Variants in DPP6 observed in about 807,000 individuals in gnomAD.
The protein encoded by DPP6 is A-type potassium channel modulatory protein DPP6.
Under a neutral mutation model 122.6 loss-of-function variants are expected in DPP6, and 69 were observed. That is an observed-to-expected ratio of 0.56 (90% CI 0.46 to 0.69). The LOEUF (loss-of-function observed/expected upper bound fraction) is 0.69. Among genes scored for constraint, DPP6 ranks in the 30% least tolerant of loss-of-function variants. The pLI is 0.00. For synonymous variants in DPP6, 418 were observed against 433.1 expected, an observed-to-expected ratio of 0.97 and a Z score of 0.43; for missense variants, 928 against 1,116.9, an observed-to-expected ratio of 0.83 and a Z score of 2.41.
chr7:154,063,639 A>AGTCC (rs1802435611), intron 1 of DPP6, among the ~76,000 whole-genome samples: 1 of 128,788 alleles, frequency 7.8e-6, no homozygotes. Context: ...ACTGAGAGCC[A>AGTCC]CTCCCTCTTC....
At chr7:154,568,122 ACTCT>A (rs1382971798) in intron 5 of DPP6, among the ~76,000 whole-genome samples, 2 of 151,996 alleles carry the variant, frequency 1.3e-5, no homozygotes, top group Non-Finnish European at 2.9e-5. Context: ...AAGGCTTGGG[ACTCT>A]GCATTACCTA....
intron 1 of DPP6, chr7:154,095,547 A>G (rs1240018028): frequency 7.3e-6 from 1 of 137,894 alleles, no homozygotes; most frequent in Non-Finnish European, 1.6e-5. Flanking sequence ...ATTGAGTAAT[A>G]GAGTAACAAG....
At chr7:153,797,973 C>A in the DPP6 span, among the ~76,000 whole-genome samples, 1 of 152,204 alleles carries the variant, frequency 6.6e-6, no homozygotes, top group African/African-American at 2.4e-5. Context: ...TCCCAAGTAG[C>A]TGTAACTACA....
At chr7:154,716,758 T>G (rs1244859467) in intron 7 of DPP6, among the ~76,000 whole-genome samples, 1 of 151,604 alleles carries the variant, frequency 6.6e-6, no homozygotes, top group Non-Finnish European at 1.5e-5. Flanking sequence ...TAAAATTTTA[T>G]TTTCTTTTTA....
intron 6 of DPP6, among the ~76,000 whole-genome samples, chr7:154,663,832 G>C (rs373763155): frequency 2.4e-4 from 20 of 82,280 alleles, no homozygotes; most frequent in South Asian, 1.1e-3. Context: ...GGCGTATTGG[G>C]CGTAGTATTC....
chr7:154,829,173 A>G (rs190672393), intron 16 of DPP6, among the ~76,000 whole-genome samples: 5 of 151,830 alleles, frequency 3.3e-5, no homozygotes, highest in African/African-American at 1.2e-4. Context: ...GCTTGAGCTC[A>G]AGAGTTTGAG....
chr7:154,626,358 T>G (rs1835065941), intron 5 of DPP6, among the ~76,000 whole-genome samples: 1 of 152,260 alleles, frequency 6.6e-6, no homozygotes, highest in Non-Finnish European at 1.5e-5. Context: ...AGTGAAATTT[T>G]TATTGTTCAT....
chr7:154,251,041 A>T (rs1291938093), intron 1 of DPP6, among the ~76,000 whole-genome samples: 1 of 152,240 alleles, frequency 6.6e-6, no homozygotes, highest in Non-Finnish European at 1.5e-5. Context: ...CCATTTGTGG[A>T]TGGGAATAAT....
chr7:154,820,032 G>A (rs1799660695), intron 16 of DPP6, among the ~76,000 whole-genome samples: 1 of 152,206 alleles, frequency 6.6e-6, no homozygotes, highest in Non-Finnish European at 1.5e-5. Context: ...CAAAGCCAAG[G>A]CCCCAAGCAC....
intron 5 of DPP6, among the ~76,000 whole-genome samples, chr7:154,579,871 T>G (rs1227054131): frequency 6.6e-6 from 1 of 152,134 alleles, no homozygotes; most frequent in Non-Finnish European, 1.5e-5. Flanking sequence ...GGGCAAGTTA[T>G]CCATGTGACC....
intron 1 of DPP6, among the ~76,000 whole-genome samples, chr7:153,901,360 TGAA>T (rs1047123975): frequency 1.3e-5 from 2 of 152,214 alleles, no homozygotes; most frequent in African/African-American, 4.8e-5. Context: ...GTTTAAGAGA[TGAA>T]GAAGAGCTGA....
chr7:154,795,706 C>G (rs1001411886), intron 11 of DPP6, 139 bp from the exon 12 acceptor site: 1 of 1,232,780 alleles, frequency 8.1e-7, no homozygotes, highest in Non-Finnish European at 1.1e-6. Context: ...GCCGTGGCAG[C>G]TGTGCAATGC....
intron 1 of DPP6, among the ~76,000 whole-genome samples, chr7:154,328,909 C>T (rs1246096384): frequency 3.3e-5 from 5 of 152,196 alleles, no homozygotes; most frequent in Non-Finnish European, 7.3e-5. Flanking sequence ...CAGTCATCCA[C>T]TGGGTTACTG....
intron 1 of DPP6, among the ~76,000 whole-genome samples, chr7:154,129,934 G>T (rs1448346276): frequency 1.3e-5 from 2 of 151,686 alleles, no homozygotes; most frequent in South Asian, 2.1e-4. Context: ...AAATTAGCTG[G>T]GCATGGTGAC....
rs200018112 is a variant in DPP6 at position 154,313,729 on chromosome 7, GCACACACA to G, written c.244-132469_244-132462del. Among the ~76,000 whole-genome samples, 6 of 59,678 alleles carry G rather than the reference GCACACACA, an allele frequency of 1.0e-4. 2 individuals carry two copies. Among genetic ancestry groups the G allele is most frequent in the Non-Finnish European group, 1.9e-4 (5 of 26,398 alleles). 39.2% of individuals were successfully genotyped at this position (59,678 alleles called of 152,430 possible). A position where few individuals can be genotyped will look rare whatever the true frequency, so the allele number is the denominator to read the frequency against. On this transcript the variant is annotated intron_variant, in intron 1 of 25. Coordinates refer to ENST00000377770, the MANE Select transcript of DPP6 (RefSeq NM_130797.4). ...TATATATATATACACACACACGCAC[GCACACACA>G]CACACACACACACACCCTTACATAT...
intron 5 of DPP6, among the ~76,000 whole-genome samples, chr7:154,607,747 C>A (rs1833645326): frequency 8.5e-6 from 1 of 117,180 alleles, no homozygotes; most frequent in South Asian, 3.5e-4. Context: ...TTTCTTTTCT[C>A]TAGCTTGCTT....
intron 16 of DPP6, among the ~76,000 whole-genome samples, chr7:154,840,547 C>T (rs937164492): frequency 2.0e-5 from 3 of 152,200 alleles, no homozygotes; most frequent in East Asian, 1.9e-4. Context: ...AATTTGTACA[C>T]GCAAGCGTTG....
At chr7:153,844,985 T>C in the DPP6 span, among the ~76,000 whole-genome samples, 1 of 152,178 alleles carries the variant, frequency 6.6e-6, no homozygotes, top group Non-Finnish European at 1.5e-5. Context: ...CAAGGAGGTA[T>C]TTAGCTTTCA....
chr7:154,393,194 A>G (rs947624998), intron 1 of DPP6, among the ~76,000 whole-genome samples: 2 of 152,210 alleles, frequency 1.3e-5, no homozygotes, highest in African/African-American at 4.8e-5. Flanking sequence ...CGGCTGAGGA[A>G]TGTAGATCAT....
Sources: allele counts gnomAD v4.1 joint callset (sites outside exome capture counted in the v4.1 genomes callset), GRCh38; gene constraint gnomAD v4.1.1; transcripts MANE v1.5; gene names NCBI Gene and HGNC (gene_info 2026-07-23, HGNC 2026-07-21).